TNIP3: variants seen among roughly 807,000 people sequenced by gnomAD.
The protein encoded by TNIP3 is TNFAIP3 interacting protein 3, also known as TNFAIP3-interacting protein 3.
TNIP3 carries 34 observed loss-of-function variants against 54.1 expected under a neutral mutation model. The observed-to-expected ratio is 0.63, with a 90% CI of 0.48 to 0.84. The LOEUF (loss-of-function observed/expected upper bound fraction) is 0.84. Among genes scored for constraint, TNIP3 ranks in the 40% least tolerant of loss-of-function variants. TNIP3 has a pLI of 0.00. For synonymous variants in TNIP3, 134 were observed against 136.8 expected (o/e 0.98, Z 0.14); for missense variants, 366 against 387.6 (o/e 0.94, Z 0.47).
upstream of TNIP3, chr4:121,164,457 TCTTC>T (rs1040556421): frequency 1.2e-4 from 71 of 611,346 alleles, no homozygotes; most frequent in African/African-American, 1.3e-3. Flanking sequence ...AAATCGTCAT[TCTTC>T]CTTTACTGGC....
intron 1 of TNIP3, among the ~76,000 whole-genome samples, chr4:121,225,432 G>C (rs1188494355): frequency 1.3e-5 from 2 of 151,828 alleles, no homozygotes; most frequent in African/African-American, 4.8e-5. Context: ...TTTTCTTCTT[G>C]TTTTTTTCTT....
At chr4:121,134,302 T>C (rs2148791147) in intron 10 of TNIP3, among the ~76,000 whole-genome samples, 1 of 152,310 alleles carries the variant, frequency 6.6e-6, no homozygotes, top group Admixed American at 6.5e-5. Flanking sequence ...TGCAATGCAA[T>C]CAGAAACCAT....
rs563631783 is a variant in TNIP3, at chr4:121,146,430, T to C, written c.735+619A>G. On this transcript the variant is annotated intron_variant, in intron 7 of 10. Transcript: ENST00000057513. ...TTTTTTAAGGCAAAATTATGTTAGCTACATTTTCCTTCATTAACATCACTA... is the reference window on the plus strand; with the variant it reads ...TTTTTTAAGGCAAAATTATGTTAGCCACATTTTCCTTCATTAACATCACTA... 1.3e-4 allele frequency among the ~76,000 whole-genome samples: 20 copies of C among 152,342 alleles called. No individual in the cohort carries two copies. In the South Asian group the frequency reaches 3.9e-3, roughly 30 times the overall value.
At chr4:121,133,474 G>A (rs1372884661) in intron 10 of TNIP3, among the ~76,000 whole-genome samples, 2 of 152,108 alleles carry the variant, frequency 1.3e-5, no homozygotes, top group African/African-American at 2.4e-5. Flanking sequence ...GAACTCAGAA[G>A]CATAAATTAA....
Position 121,142,026 on chromosome 4 carries a change from G to A in TNIP3, c.787-112C>T, listed in dbSNP as rs548597509. The stretch of plus-strand genomic sequence containing the variant: ...CAATCTTAAGGTTCCACTTAATCTG[G>A]CATAATTATAACTCAAAATAGTAAA... On this transcript the variant is annotated intron_variant, in intron 8 of 10. Coordinates refer to ENST00000057513, the MANE Select transcript of TNIP3 (RefSeq NM_024873.6). 2.7e-5 allele frequency: 16 copies of A among 598,444 alleles called. No homozygotes were observed. The East Asian group carries it at 4.5e-4, about 17-fold the overall frequency. 37.1% of individuals were successfully genotyped at this position (598,444 alleles called of 1,614,324 possible).
chr4:121,142,882 A>C, intron 7 of TNIP3, 106 bp from the exon 8 acceptor site: 1 of 870,266 alleles, frequency 1.1e-6, no homozygotes, highest in Non-Finnish European at 1.8e-6. Flanking sequence ...CAGTAATACC[A>C]ACAAAAATAG....
intron 2 of TNIP3, among the ~76,000 whole-genome samples, chr4:121,196,783 C>T (rs971880790): frequency 3.2e-4 from 49 of 151,776 alleles, no homozygotes; most frequent in African/African-American, 1.0e-3. Context: ...ACAATTTCAA[C>T]GTAGAAAATT....
chr4:121,140,915 G>A (rs1729080726), intron 9 of TNIP3, among the ~76,000 whole-genome samples: 1 of 152,122 alleles, frequency 6.6e-6, no homozygotes, highest in Non-Finnish European at 1.5e-5. Flanking sequence ...CACCCAAAGA[G>A]TCATTATCTC....
At chr4:121,211,184 T>A (rs189382949) in intron 2 of TNIP3, among the ~76,000 whole-genome samples, 3 of 152,162 alleles carry the variant, frequency 2.0e-5, no homozygotes, top group East Asian at 3.9e-4. Context: ...GAAAGAGGGG[T>A]GATGTGTGAT....
intron 9 of TNIP3, among the ~76,000 whole-genome samples, chr4:121,141,521 G>T (rs555054938): frequency 9.9e-5 from 15 of 152,226 alleles, no homozygotes; most frequent in Admixed American, 2.0e-4. Flanking sequence ...ACTTTATACA[G>T]AAAATGTCCT....
chr4:121,132,503 G>A lies in TNIP3; in HGVS notation c.*128C>T, dbSNP rs1050328305. ...CTGTATTCATACCAAAGGAAAACAT[G>A]ACCAGGCACAAATAACAGGGTAGAT... On this transcript the variant is annotated 3_prime_UTR_variant, in exon 11 of 11. Coordinates refer to ENST00000057513, the MANE Select transcript of TNIP3 (RefSeq NM_024873.6). 7.2e-6 allele frequency: 6 copies of A among 837,036 alleles called. No individual in the cohort carries two copies. Among genetic ancestry groups the A allele is most frequent in the Non-Finnish European group, 1.1e-5 (6 of 523,866 alleles). The allele number at this position is 837,036 out of a possible 1,614,324, so 51.9% of individuals were successfully genotyped here. A position where few individuals can be genotyped will look rare whatever the true frequency, so the allele number is the denominator to read the frequency against.
At chr4:121,139,024 TA>T (rs1728955020) in intron 9 of TNIP3, among the ~76,000 whole-genome samples, 1 of 152,160 alleles carries the variant, frequency 6.6e-6, no homozygotes, top group African/African-American at 2.4e-5. Context: ...CAAAGCAACT[TA>T]GCATCAACAA....
intron 2 of TNIP3, among the ~76,000 whole-genome samples, chr4:121,215,929 TA>T (rs978596823): frequency 4.0e-5 from 6 of 151,370 alleles, no homozygotes; most frequent in South Asian, 2.1e-4. Context: ...AAGGAGGCTT[TA>T]AAAAAAACTT....
chr4:121,145,490 A>G (rs1287206129), intron 7 of TNIP3, among the ~76,000 whole-genome samples: 1 of 152,016 alleles, frequency 6.6e-6, no homozygotes, highest in Non-Finnish European at 1.5e-5. Flanking sequence ...GGATTATAGT[A>G]TACAACGTTA....
intron 2 of TNIP3, among the ~76,000 whole-genome samples, chr4:121,200,255 C>A (rs1469955202): frequency 1.3e-5 from 2 of 152,056 alleles, no homozygotes; most frequent in African/African-American, 2.4e-5. Context: ...GAGACAACTG[C>A]AGAAGAGTTT....
At chr4:121,199,758 C>T (rs1354506937) in intron 2 of TNIP3, among the ~76,000 whole-genome samples, 1 of 152,190 alleles carries the variant, frequency 6.6e-6, no homozygotes, top group African/African-American at 2.4e-5. Context: ...TTGGTACCCT[C>T]AGATAAGAAA....
chr4:121,140,337 A>T (rs1729042821), intron 9 of TNIP3, among the ~76,000 whole-genome samples: 1 of 152,026 alleles, frequency 6.6e-6, no homozygotes, highest in Non-Finnish European at 1.5e-5. Context: ...CCTTCTCAAA[A>T]AAAAAGAAAA....
At chr4:121,188,581 A>G (rs1446247400) in intron 2 of TNIP3, among the ~76,000 whole-genome samples, 1 of 152,226 alleles carries the variant, frequency 6.6e-6, no homozygotes, top group Non-Finnish European at 1.5e-5. Context: ...TTTAAATTTT[A>G]CTAGTTGATT....
chr4:121,221,272 G>C (rs1263372812), upstream of TNIP3, among the ~76,000 whole-genome samples: 1 of 151,856 alleles, frequency 6.6e-6, no homozygotes, highest in Non-Finnish European at 1.5e-5. Context: ...ATATAAAATA[G>C]CCAGTTTGTA....
Sources: gnomAD v4.1 joint callset for allele counts (sites outside exome capture counted in the v4.1 genomes callset) on GRCh38, gnomAD v4.1.1 for gene constraint, MANE v1.5 for transcripts, NCBI Gene and HGNC (gene_info 2026-07-23, HGNC 2026-07-21) for gene names.